SPATA9: variants seen among roughly 807,000 people sequenced by gnomAD.
SPATA9 encodes spermatogenesis-associated protein 9.
SPATA9 carries 27 observed loss-of-function variants against 25.5 expected under a neutral mutation model. The observed-to-expected ratio is 1.06, with a 90% confidence interval of 0.78 to 1.46. The LOEUF (loss-of-function observed/expected upper bound fraction) is 1.46. SPATA9 is among the 40% of genes most tolerant of loss of function. The pLI is 0.00. For synonymous variants in SPATA9, 102 were observed against 105.7 expected, an observed-to-expected ratio of 0.97 and a Z score of 0.21; for missense variants, 282 against 297.5, an observed-to-expected ratio of 0.95 and a Z score of 0.38.
the SPATA9 span, among the ~76,000 whole-genome samples, chr5:95,707,328 A>C: frequency 2.6e-5 from 4 of 152,190 alleles, no homozygotes; most frequent in African/African-American, 9.6e-5. Flanking sequence ...CCTTTAGAAC[A>C]AGAATAATTG....
At chr5:95,663,870 A>G in intron 4 of SPATA9, 83 bp downstream of exon 4, 1 of 623,516 alleles carries the variant, frequency 1.6e-6, no homozygotes, top group South Asian at 4.8e-5. Flanking sequence ...TAAATATTGT[A>G]CAGTATACTA....
At chr5:95,707,942 G>A in the SPATA9 span, among the ~76,000 whole-genome samples, 5 of 152,278 alleles carry the variant, frequency 3.3e-5, no homozygotes, top group Middle Eastern at 3.4e-3. Flanking sequence ...TATAACAAGG[G>A]GGTTATATTG....
downstream of SPATA9, chr5:95,652,802 C>G (rs1011570844): frequency 5.9e-6 from 2 of 336,172 alleles, no homozygotes; most frequent in Non-Finnish European, 1.1e-5. Context: ...TCCCCTACAG[C>G]ATCAACCCCC....
chr5:95,659,510 C>A (rs565264521), intron 4 of SPATA9: 53 of 152,204 alleles, frequency 3.5e-4, no homozygotes, highest in African/African-American at 1.2e-3. Context: ...ATTAAACTTA[C>A]TCTGTAAGTT....
chr5:95,679,712 T>C (rs1042206232), intron 2 of SPATA9, among the ~76,000 whole-genome samples: 1 of 152,232 alleles, frequency 6.6e-6, no homozygotes, highest in African/African-American at 2.4e-5. Flanking sequence ...TGACTGATAC[T>C]GGGAATGTCC....
chr5:95,654,892 T>G (rs1750640445), downstream of SPATA9, among the ~76,000 whole-genome samples: 1 of 152,136 alleles, frequency 6.6e-6, no homozygotes, highest in South Asian at 2.1e-4. Flanking sequence ...AATGAGTATA[T>G]ATTATTTTTA....
exon 9 of SPATA9, chr5:95,653,169 G>A (rs956127123): frequency 3.2e-6 from 5 of 1,551,540 alleles, no homozygotes; most frequent in Non-Finnish European, 4.4e-6. Flanking sequence ...TTGCATTTTG[G>A]GCATTTCAGC....
chr5:95,656,287 A>G, downstream of SPATA9: 2 of 1,610,974 alleles, frequency 1.2e-6, no homozygotes, highest in East Asian at 2.2e-5. Context: ...GGAGACTTCA[A>G]AGTAATTAAG....
At chr5:95,714,125 A>G in the SPATA9 span, among the ~76,000 whole-genome samples, 5 of 152,050 alleles carry the variant, frequency 3.3e-5, no homozygotes, top group African/African-American at 1.2e-4. Flanking sequence ...CTGAGTTTGC[A>G]TAAATATATT....
At chr5:95,704,080 C>G in the SPATA9 span, among the ~76,000 whole-genome samples, 2 of 152,056 alleles carry the variant, frequency 1.3e-5, no homozygotes, top group African/African-American at 4.8e-5. Context: ...CACACACACA[C>G]AAACACACAG....
rs979839674 is a variant in SPATA9 at position 95,681,565 on chromosome 5, T to C, written c.150+963A>G. Among the ~76,000 whole-genome samples the C allele has an allele frequency of 3.3e-5, 5 of 152,180 alleles. No homozygotes were observed. The South Asian group carries it at 1.0e-3, about 32-fold the overall frequency. On this transcript the variant is annotated intron_variant, in intron 2 of 4. Transcript: ENST00000274432. ...ATGCAATTACTCCTTTACAACTCTA[T>C]CTCCATTAGATTAAGCTCATTAGCG...
the SPATA9 span, chr5:95,731,381 G>T: frequency 8.6e-7 from 1 of 1,163,922 alleles, no homozygotes; most frequent in Non-Finnish European, 1.1e-6. Context: ...GCGGAGAGGG[G>T]ACTGCGGTCA....
chr5:95,729,669 C>T, the SPATA9 span, among the ~76,000 whole-genome samples: 3 of 152,088 alleles, frequency 2.0e-5, no homozygotes, highest in East Asian at 1.9e-4. Flanking sequence ...TGTTGAACAA[C>T]GCCCCCTTTT....
At chr5:95,652,421 T>C (rs1246109545), downstream of SPATA9, 1 of 1,479,250 alleles carries the variant, frequency 6.8e-7, no homozygotes, top group African/African-American at 1.4e-5. Context: ...GGTTGTTGAC[T>C]TGACATCTCT....
At chr5:95,656,492 A>G (rs1480620748), downstream of SPATA9, 2 of 547,974 alleles carry the variant, frequency 3.6e-6, no homozygotes, top group African/African-American at 3.8e-5. Flanking sequence ...ATCAGGATCA[A>G]TAGAATACAT....
At chr5:95,718,867 G>A in the SPATA9 span, among the ~76,000 whole-genome samples, 3 of 152,284 alleles carry the variant, frequency 2.0e-5, no homozygotes, top group African/African-American at 7.2e-5. Flanking sequence ...AGAGTTAGGA[G>A]GTCCCAGGAG....
chr5:95,661,782 A>G (rs1482501357), intron 4 of SPATA9, among the ~76,000 whole-genome samples: 1 of 152,082 alleles, frequency 6.6e-6, no homozygotes, highest in African/African-American at 2.4e-5. Flanking sequence ...TCTTGACCCT[A>G]TGCACTTCCC....
At chr5:95,700,011 C>T (rs1384069997), upstream of SPATA9, among the ~76,000 whole-genome samples, 1 of 152,030 alleles carries the variant, frequency 6.6e-6, no homozygotes, top group Non-Finnish European at 1.5e-5. Context: ...GAGCTAGCCC[C>T]TGAAACCATG....
upstream of SPATA9, among the ~76,000 whole-genome samples, chr5:95,686,703 G>T (rs143011616): frequency 5.9e-5 from 9 of 152,148 alleles, no homozygotes; most frequent in South Asian, 1.2e-3. Flanking sequence ...GACCCTCCTG[G>T]GGGGGTAACT....
Sources: gnomAD v4.1 joint callset for allele counts (sites outside exome capture counted in the v4.1 genomes callset) on GRCh38, gnomAD v4.1.1 for gene constraint, MANE v1.5 for transcripts, NCBI Gene and HGNC (gene_info 2026-07-23, HGNC 2026-07-21) for gene names.